The following SCARA5 variants were observed in gnomAD, a reference collection of about 807,000 sequenced individuals.
SCARA5 encodes scavenger receptor class A, member 5 (putative).
In SCARA5, 45 loss-of-function variants were observed where a neutral mutation model predicts 46.3. The ratio of observed to expected loss-of-function variants is 0.97; its 90% CI spans 0.76 to 1.24. The LOEUF (loss-of-function observed/expected upper bound fraction) is 1.24. Ranked by LOEUF, SCARA5 falls within the 50% of genes most tolerant of loss-of-function variation. SCARA5 has a pLI of 0.00. For missense variants in SCARA5, 680 were observed against 689.0 expected, an observed-to-expected ratio of 0.99 and a Z score of 0.15; for synonymous variants, 333 against 306.5, an observed-to-expected ratio of 1.09 and a Z score of -0.90.
At position 27,921,613 on chromosome 8, in the gene SCARA5, A is replaced by G; in HGVS notation, c.874T>C (p.Trp292Arg). 6.3e-7 allele frequency: 1 copy of G among 1,592,984 alleles called. No individual in the cohort carries two copies. Among genetic ancestry groups the G allele is most frequent in the Non-Finnish European group, 8.6e-7 (1 of 1,168,016 alleles). ...AVTEDLRLKD[W>R]EHSIALRNIS... ...TTCCGCAGTGCGATGGAGTGCTCCC[A>G]GTCCTTGAGGCGCAGGTCCTCGGTG... Residue 292 changes from tryptophan (W) to arginine (R), a missense_variant, in exon 4 of 9, where the codon TGG (tryptophan) becomes CGG (arginine). Transcript: ENST00000354914.
intron 8 of SCARA5, among the ~76,000 whole-genome samples, chr8:27,874,387 C>G (rs562350854): frequency 4.1e-4 from 63 of 152,350 alleles, no homozygotes; most frequent in African/African-American, 1.5e-3. Flanking sequence ...CCAGTACAGT[C>G]TTTTCTCCTC....
intron 6 of SCARA5, among the ~76,000 whole-genome samples, chr8:27,906,474 G>A (rs75318111): frequency 0.013 from 2,012 of 152,320 alleles, 51 homozygotes; most frequent in African/African-American, 0.046. Flanking sequence ...TATATAGAAG[G>A]TCAGGAGTCT....
intron 7 of SCARA5, among the ~76,000 whole-genome samples, chr8:27,891,368 GCTA>G (rs1287803239): frequency 1.3e-5 from 2 of 152,026 alleles, no homozygotes; most frequent in Non-Finnish European, 2.9e-5. Context: ...ACCATGCCCG[GCTA>G]CTTTTTGTAT....
At chr8:27,969,763 G>A (rs1024799618) in intron 2 of SCARA5, among the ~76,000 whole-genome samples, 11 of 151,982 alleles carry the variant, frequency 7.2e-5, no homozygotes, top group Admixed American at 5.9e-4. Context: ...TGGCAGGCGG[G>A]GTATATGGGA....
At chr8:27,893,759 C>G (rs1187668648) in intron 7 of SCARA5, among the ~76,000 whole-genome samples, 3 of 152,260 alleles carry the variant, frequency 2.0e-5, no homozygotes, top group Non-Finnish European at 4.4e-5. Context: ...TGATTATTCC[C>G]TACCTTATTT....
At chr8:27,896,891 A>G (rs1036194055) in intron 7 of SCARA5, among the ~76,000 whole-genome samples, 4 of 152,160 alleles carry the variant, frequency 2.6e-5, no homozygotes, top group Non-Finnish European at 5.9e-5. Flanking sequence ...CAGGAGTTCG[A>G]GACCAGCCTG....
At chr8:27,948,939 A>C (rs950397158) in intron 3 of SCARA5, among the ~76,000 whole-genome samples, 5 of 152,266 alleles carry the variant, frequency 3.3e-5, no homozygotes, top group African/African-American at 9.6e-5. Flanking sequence ...TTGCAAAAGC[A>C]GATATTATAA....
chr8:27,911,633 G>A (rs76392556), intron 4 of SCARA5, among the ~76,000 whole-genome samples: 1 of 152,226 alleles, frequency 6.6e-6, no homozygotes, highest in Non-Finnish European at 1.5e-5. Context: ...AGAGGCTGCC[G>A]TGAGCCGAGA....
intron 3 of SCARA5, among the ~76,000 whole-genome samples, chr8:27,953,087 G>A (rs141365361): frequency 4.9e-4 from 75 of 152,306 alleles, no homozygotes; most frequent in African/African-American, 1.5e-3. Context: ...CAATCCAGAC[G>A]GAAAGCAGAT....
chr8:27,875,596 A>T (rs1335326350), intron 8 of SCARA5, among the ~76,000 whole-genome samples: 4 of 152,030 alleles, frequency 2.6e-5, no homozygotes, highest in Non-Finnish European at 5.9e-5. Context: ...GACATGAAAC[A>T]CACCATCTGT....
chr8:27,942,243 A>G (rs1230716441), intron 3 of SCARA5, among the ~76,000 whole-genome samples: 2 of 152,096 alleles, frequency 1.3e-5, no homozygotes, highest in East Asian at 1.9e-4. Context: ...AGTATGTTCC[A>G]CGTGCCTTTA....
At chr8:27,953,309 G>T (rs906506047) in intron 3 of SCARA5, among the ~76,000 whole-genome samples, 1 of 152,248 alleles carries the variant, frequency 6.6e-6, no homozygotes, top group Non-Finnish European at 1.5e-5. Flanking sequence ...CACGGAGGAT[G>T]CGGTGGGCCA....
At chr8:27,948,616 T>A (rs1342724938) in intron 3 of SCARA5, among the ~76,000 whole-genome samples, 1 of 152,148 alleles carries the variant, frequency 6.6e-6, no homozygotes, top group Non-Finnish European at 1.5e-5. Context: ...CTCTTCAAAC[T>A]GGCCAGTCCC....
intron 4 of SCARA5, among the ~76,000 whole-genome samples, chr8:27,911,821 T>C (rs1259191521): frequency 6.6e-6 from 1 of 152,206 alleles, no homozygotes; most frequent in African/African-American, 2.4e-5. Flanking sequence ...ATAGTGTCTT[T>C]GCAGACATAA....
intron 3 of SCARA5, among the ~76,000 whole-genome samples, chr8:27,929,716 C>G (rs1380256691): frequency 6.6e-6 from 1 of 152,168 alleles, no homozygotes; most frequent in African/African-American, 2.4e-5. Flanking sequence ...AAGGCAAACT[C>G]CAAGCAGGCG....
chr8:27,984,504 T>G (rs911817610), intron 2 of SCARA5, among the ~76,000 whole-genome samples: 1 of 142,174 alleles, frequency 7.0e-6, no homozygotes, highest in Non-Finnish European at 1.5e-5. Context: ...ATTTATTCAT[T>G]CATCTATCCA....
intron 1 of SCARA5, among the ~76,000 whole-genome samples, chr8:27,990,728 C>A (rs528388408): frequency 6.6e-6 from 1 of 152,286 alleles, no homozygotes; most frequent in Middle Eastern, 3.4e-3. Flanking sequence ...CCAGTGTACT[C>A]CAGCAGGTGG....
chr8:27,982,760 G>C (rs780516881), intron 2 of SCARA5, among the ~76,000 whole-genome samples: 1 of 152,156 alleles, frequency 6.6e-6, no homozygotes, highest in South Asian at 2.1e-4. Flanking sequence ...GGGACAGGAC[G>C]AGCTGGAGGA....
rs551771234 is a variant in SCARA5 at position 27,886,449 on chromosome 8, C to G, written c.1154-6683G>C. Among the ~76,000 whole-genome samples, 16 of 152,364 alleles carry G rather than the reference C, an allele frequency of 1.1e-4. 1 individual carries two copies. In the South Asian group the frequency reaches 3.3e-3, roughly 32 times the overall value. On this transcript the variant is annotated intron_variant, in intron 7 of 8. Transcript: ENST00000354914. ...AACAAAATCTCAGCTCTGTTACCAC[C>G]TCTCTGGGAAACCACAGGCTGAGGT... is the stretch of plus-strand genomic sequence containing the variant.
Sources: gnomAD v4.1 joint callset for allele counts (sites outside exome capture counted in the v4.1 genomes callset) on GRCh38, gnomAD v4.1.1 for gene constraint, MANE v1.5 for transcripts, NCBI Gene and HGNC (gene_info 2026-07-23, HGNC 2026-07-21) for gene names.